The following GPHN variants were observed in gnomAD, a reference collection of about 807,000 sequenced individuals.
The protein encoded by GPHN is gephyrin.
A neutral mutation model predicts 95.5 loss-of-function variants in GPHN; 17 were observed. That is an observed-to-expected ratio of 0.18 (90% CI 0.12 to 0.27). The LOEUF is 0.27. GPHN is among the 10% of genes least tolerant of loss of function. GPHN has a pLI of 1.00. For synonymous variants in GPHN, 320 were observed against 322.5 expected, an observed-to-expected ratio of 0.99 and a Z score of 0.08; for missense variants, 660 against 978.1, an observed-to-expected ratio of 0.67 and a Z score of 4.34.
At chr14:67,531,938 G>T in the GPHN span, among the ~76,000 whole-genome samples, 1 of 145,930 alleles carries the variant, frequency 6.9e-6, no homozygotes, top group Non-Finnish European at 1.5e-5. Context: ...AAAAGTGAAT[G>T]AATGAATTAA....
the GPHN span, among the ~76,000 whole-genome samples, chr14:67,531,910 C>CAAA: frequency 1.5e-4 from 12 of 79,568 alleles, no homozygotes; most frequent in African/African-American, 4.9e-4. Flanking sequence ...AACCTATGTC[C>CAAA]AAAAAAAAAA....
At chr14:66,979,536 T>A (rs909408328) in intron 9 of GPHN, among the ~76,000 whole-genome samples, 1 of 152,232 alleles carries the variant, frequency 6.6e-6, no homozygotes, top group African/African-American at 2.4e-5. Context: ...TTCATAGACT[T>A]GAAGAAAGTT....
intron 1 of GPHN, among the ~76,000 whole-genome samples, chr14:66,560,641 G>T (rs371304825): frequency 1.3e-5 from 2 of 152,288 alleles, no homozygotes; most frequent in South Asian, 2.1e-4. Flanking sequence ...GAGATTTTGG[G>T]CTGAGACAAA....
chr14:67,129,610 T>C (rs2079558153), intron 17 of GPHN, among the ~76,000 whole-genome samples: 1 of 152,176 alleles, frequency 6.6e-6, no homozygotes, highest in African/African-American at 2.4e-5. Context: ...ACTAATGTAA[T>C]AGAAACCTTA....
At chr14:67,257,080 CG>C in the GPHN span, among the ~76,000 whole-genome samples, 9 of 152,034 alleles carry the variant, frequency 5.9e-5, no homozygotes, top group African/African-American at 2.2e-4. Flanking sequence ...TCCGGTAAGA[CG>C]GAACAACTTG....
the GPHN span, among the ~76,000 whole-genome samples, chr14:67,280,853 T>TTCCTTCCTTCCTTCCTTCCTTCCCTCCC: frequency 1.3e-5 from 1 of 77,610 alleles, no homozygotes; most frequent in Non-Finnish European, 2.1e-5. Flanking sequence ...CCTTCCTTCC[T>TTCCTTCCTTCCTTCCTTCCTTCCCTCCC]TCCCTCCCTC....
At chr14:67,685,011 A>G in the GPHN span, 1 of 1,602,378 alleles carries the variant, frequency 6.2e-7, no homozygotes, top group Non-Finnish European at 8.5e-7. Context: ...GATAACATTC[A>G]TACCTGAAAT....
At chr14:67,208,331 C>T in the GPHN span, 4 of 1,613,932 alleles carry the variant, frequency 2.5e-6, no homozygotes, top group Non-Finnish European at 3.4e-6. Context: ...AAGATATTTT[C>T]AAACTACCTT....
At chr14:66,982,523 C>T (rs1324720779) in intron 9 of GPHN, among the ~76,000 whole-genome samples, 1 of 152,096 alleles carries the variant, frequency 6.6e-6, no homozygotes, top group Admixed American at 6.5e-5. Flanking sequence ...CTAAGGAATA[C>T]TTTGTTAAAT....
intron 5 of GPHN, among the ~76,000 whole-genome samples, chr14:66,890,096 G>A (rs1477482826): frequency 6.6e-6 from 1 of 152,122 alleles, no homozygotes; most frequent in South Asian, 2.1e-4. Flanking sequence ...CCTATACCTA[G>A]GAAGGAGAAT....
chr14:67,473,395 C>G, the GPHN span: 2 of 1,607,654 alleles, frequency 1.2e-6, no homozygotes, highest in Non-Finnish European at 8.5e-7. The surrounding 1 kb of genome is among the most constrained non-coding windows in gnomAD (Gnocchi z 6.5). Context: ...ATGAGAGATC[C>G]CCAGGCCCCC....
At chr14:66,913,800 A>C (rs903433792) in intron 5 of GPHN, among the ~76,000 whole-genome samples, 8 of 152,154 alleles carry the variant, frequency 5.3e-5, no homozygotes, top group African/African-American at 1.9e-4. Flanking sequence ...ATCTTTAGCT[A>C]TTTGATAAAT....
At chr14:67,039,470 G>A (rs1252104557) in intron 10 of GPHN, among the ~76,000 whole-genome samples, 1 of 152,154 alleles carries the variant, frequency 6.6e-6, no homozygotes, top group Non-Finnish European at 1.5e-5. Flanking sequence ...GAAAGACTGT[G>A]TAAGATAGGA....
At chr14:66,633,639 T>A (rs1409562467) in intron 1 of GPHN, among the ~76,000 whole-genome samples, 1 of 152,148 alleles carries the variant, frequency 6.6e-6, no homozygotes, top group East Asian at 1.9e-4. Context: ...ATTAATAGGG[T>A]TGCAGTGAAT....
At chr14:67,329,624 T>C in the GPHN span, among the ~76,000 whole-genome samples, 2 of 152,206 alleles carry the variant, frequency 1.3e-5, no homozygotes, top group African/African-American at 4.8e-5. Context: ...TTGTCATAAA[T>C]AGCTCTTATT....
the GPHN span, among the ~76,000 whole-genome samples, chr14:67,481,128 C>T: frequency 6.6e-6 from 1 of 151,598 alleles, no homozygotes; most frequent in African/African-American, 2.4e-5. Context: ...ACCATCTCTA[C>T]AAAAAGAAAA....
the GPHN span, among the ~76,000 whole-genome samples, chr14:67,188,173 G>GGCCCATGCA: frequency 6.6e-6 from 1 of 152,118 alleles, no homozygotes; most frequent in Non-Finnish European, 1.5e-5. Flanking sequence ...GGGACAAAGA[G>GGCCCATGCA]GGCTAATTGC....
At chr14:67,683,126 T>C in the GPHN span, among the ~76,000 whole-genome samples, 8 of 152,208 alleles carry the variant, frequency 5.3e-5, no homozygotes, top group African/African-American at 1.7e-4. Flanking sequence ...TTTATGTTCA[T>C]TTCTTGATGG....
At chr14:67,174,808 A>G (rs1272205963) in intron 21 of GPHN, among the ~76,000 whole-genome samples, 1 of 152,092 alleles carries the variant, frequency 6.6e-6, no homozygotes, top group African/African-American at 2.4e-5. Context: ...TGTGGTTTTG[A>G]TTTGCACTTC....
Sources: allele counts gnomAD v4.1 joint callset (sites outside exome capture counted in the v4.1 genomes callset), GRCh38; gene constraint gnomAD v4.1.1; non-coding constraint Gnocchi (gnomAD v3.1); transcripts MANE v1.5; gene names NCBI Gene and HGNC (gene_info 2026-07-23, HGNC 2026-07-21).